Variants in PDE3A observed in about 807,000 individuals in gnomAD.
The protein encoded by PDE3A is phosphodiesterase 3A, also known as cGMP-inhibited 3',5'-cyclic phosphodiesterase 3A.
A neutral mutation model predicts 98.3 loss-of-function variants in PDE3A; 43 were observed. The ratio of observed to expected loss-of-function variants is 0.44; its 90% CI spans 0.34 to 0.56. The LOEUF (loss-of-function observed/expected upper bound fraction) is 0.56. Ranked by LOEUF, PDE3A falls within the 20% of genes least tolerant of loss-of-function variation. PDE3A has a pLI of 0.01. For synonymous variants in PDE3A, 663 were observed against 567.9 expected (o/e 1.17, Z -2.38); for missense variants, 1,427 against 1,440.7 (o/e 0.99, Z 0.15).
intron 1 of PDE3A, among the ~76,000 whole-genome samples, chr12:20,555,083 G>A (rs917391876): frequency 2.0e-5 from 3 of 151,798 alleles, no homozygotes; most frequent in Non-Finnish European, 4.4e-5. Context: ...GTGCAGTGGC[G>A]TGCGATCTTG....
In PDE3A at chr12:20,541,075, C is replaced by CTTTT. The variant is rs777927679; in HGVS notation, c.961-15549_961-15546dup. The stretch of plus-strand genomic sequence containing the variant: ...AATTGACAAGGACATTGGTAACTTT[C>CTTTT]TTTTTTTTTTTTTTTTTTTTTTTTT... On this transcript the variant is annotated intron_variant, in intron 1 of 15. Transcript: ENST00000359062. 3.2e-4 allele frequency among the ~76,000 whole-genome samples: 17 copies of CTTTT among 52,986 alleles called. 4 individuals are homozygous for CTTTT. The highest frequency in any genetic ancestry group is 5.2e-4 in the Non-Finnish European group (15 of 28,688). The allele number at this position is 52,986 out of a possible 152,430, so 34.8% of individuals were successfully genotyped here. A position where few individuals can be genotyped will look rare whatever the true frequency, so the allele number is the denominator to read the frequency against.
intron 15 of PDE3A, among the ~76,000 whole-genome samples, chr12:20,671,343 A>G (rs1945475278): frequency 6.6e-6 from 1 of 152,088 alleles, no homozygotes; most frequent in Non-Finnish European, 1.5e-5. Context: ...TCCCTAACTC[A>G]TTTTATGAGG....
chr12:20,445,725 T>A (rs1453458861), intron 1 of PDE3A, among the ~76,000 whole-genome samples: 1 of 152,170 alleles, frequency 6.6e-6, no homozygotes, highest in East Asian at 1.9e-4. Flanking sequence ...TTGTTTATTG[T>A]TTCTTCCAGA....
intron 1 of PDE3A, among the ~76,000 whole-genome samples, chr12:20,504,786 T>C (rs1946085366): frequency 6.6e-6 from 1 of 152,104 alleles, no homozygotes; most frequent in South Asian, 2.1e-4. Flanking sequence ...ACTCTGGCCC[T>C]CCTGCCTCTT....
intron 1 of PDE3A, among the ~76,000 whole-genome samples, chr12:20,458,456 A>AT: frequency 6.6e-6 from 1 of 151,990 alleles, no homozygotes; most frequent in South Asian, 2.1e-4. Context: ...GCTGGGTTAC[A>AT]TTTTAGAAAT....
intron 1 of PDE3A, among the ~76,000 whole-genome samples, chr12:20,382,212 C>T (rs560802534): frequency 1.3e-5 from 2 of 151,882 alleles, no homozygotes; most frequent in Non-Finnish European, 2.9e-5. Flanking sequence ...ATCCTGAAAT[C>T]TGTGGTTTTA....
In PDE3A at chr12:20,429,261, C is replaced by T. The variant is rs577084905; in HGVS notation, c.960+59017C>T. 1.5e-4 allele frequency among the ~76,000 whole-genome samples: 23 copies of T among 152,238 alleles called. No homozygotes were observed. In the East Asian group the frequency reaches 2.9e-3, roughly 19 times the overall value. On this transcript the variant is annotated intron_variant, in intron 1 of 15. Coordinates refer to ENST00000359062, the MANE Select transcript of PDE3A (RefSeq NM_000921.5). ...GTTGACATCTACAATTAAGCCCATACGTTCTAGTGATAAATAGAGGTCAGA... is the reference window on the plus strand; with the variant it reads ...GTTGACATCTACAATTAAGCCCATATGTTCTAGTGATAAATAGAGGTCAGA...
chr12:20,431,805 T>C (rs891873266), intron 1 of PDE3A, among the ~76,000 whole-genome samples: 1 of 152,230 alleles, frequency 6.6e-6, no homozygotes, highest in African/African-American at 2.4e-5. Flanking sequence ...CTTATCTCAA[T>C]TGTGTATAAA....
chr12:20,676,658 C>G lies in PDE3A; in HGVS notation c.3185-3372C>G, dbSNP rs1277998244. 2.0e-5 allele frequency among the ~76,000 whole-genome samples: 3 copies of G among 152,050 alleles called. No individual in the cohort carries two copies. The East Asian group carries it at 5.8e-4, about 29-fold the overall frequency. ...GGGACTACAGGCACACGCCACCATG[C>G]CTGGCTAATTTTTTGTATTTTTAGT... is the stretch of plus-strand genomic sequence containing the variant. On this transcript the variant is annotated intron_variant, in intron 15 of 15. Transcript: ENST00000359062.
chr12:20,633,850 T>A, intron 7 of PDE3A, 72 bp downstream of exon 7: 1 of 898,634 alleles, frequency 1.1e-6, no homozygotes, highest in Non-Finnish European at 1.8e-6. Flanking sequence ...ATCAAAACAG[T>A]GATCTACATT....
chr12:20,579,413 T>A (rs1175584232), intron 2 of PDE3A, among the ~76,000 whole-genome samples: 1 of 152,136 alleles, frequency 6.6e-6, no homozygotes, highest in African/African-American at 2.4e-5. Context: ...TTTTTTATCC[T>A]TGCAAACAAA....
intron 2 of PDE3A, among the ~76,000 whole-genome samples, chr12:20,599,339 C>T (rs1345929124): frequency 6.6e-6 from 1 of 152,088 alleles, no homozygotes; most frequent in African/African-American, 2.4e-5. Flanking sequence ...CTTTTCAAGT[C>T]AAATTTTATG....
chr12:20,386,242 A>T (rs1337619703), intron 1 of PDE3A, among the ~76,000 whole-genome samples: 1 of 131,352 alleles, frequency 7.6e-6, no homozygotes, highest in Non-Finnish European at 1.6e-5. Context: ...ATATAAATAT[A>T]AATATATTAA....
intron 1 of PDE3A, among the ~76,000 whole-genome samples, chr12:20,413,734 G>C (rs1944373735): frequency 6.6e-6 from 1 of 152,164 alleles, no homozygotes; most frequent in African/African-American, 2.4e-5. Context: ...TTAGTCAAGG[G>C]CCTATTATGG....
At chr12:20,521,319 A>C (rs1946421363) in intron 1 of PDE3A, among the ~76,000 whole-genome samples, 1 of 152,146 alleles carries the variant, frequency 6.6e-6, no homozygotes, top group African/African-American at 2.4e-5. Context: ...ACGAAAGAGG[A>C]GTGGTAACAT....
At chr12:20,453,752 C>G (rs892575104) in intron 1 of PDE3A, among the ~76,000 whole-genome samples, 22 of 152,158 alleles carry the variant, frequency 1.4e-4, no homozygotes, top group African/African-American at 5.1e-4. Flanking sequence ...CCGAGTCTCC[C>G]TTCCTGGCTC....
chr12:20,606,711 A>AGTT (rs1315494733), intron 2 of PDE3A, among the ~76,000 whole-genome samples: 2 of 151,860 alleles, frequency 1.3e-5, no homozygotes, highest in Non-Finnish European at 2.9e-5. Context: ...ATACAAAATT[A>AGTT]GTTGGGCATG....
At chr12:20,597,525 A>T (rs1264188442) in intron 2 of PDE3A, among the ~76,000 whole-genome samples, 1 of 151,896 alleles carries the variant, frequency 6.6e-6, no homozygotes, top group African/African-American at 2.4e-5. Context: ...TCCTACTTTG[A>T]AGAGAGGTAT....
intron 15 of PDE3A, among the ~76,000 whole-genome samples, chr12:20,670,075 C>A (rs7957089): frequency 0.04 from 5,940 of 148,392 alleles, 198 homozygotes; most frequent in African/African-American, 0.091. Flanking sequence ...AGACTTTAAA[C>A]CAACAAAGAT....
Sources: gnomAD v4.1 joint callset for allele counts (sites outside exome capture counted in the v4.1 genomes callset) on GRCh38, gnomAD v4.1.1 for gene constraint, MANE v1.5 for transcripts, NCBI Gene and HGNC (gene_info 2026-07-23, HGNC 2026-07-21) for gene names.